PARVA: variants seen among roughly 807,000 people sequenced by gnomAD.
PARVA encodes alpha-parvin.
PARVA carries 25 observed loss-of-function variants against 52.6 expected under a neutral mutation model. The observed-to-expected ratio is 0.48, with a 90% CI of 0.35 to 0.66. The LOEUF (loss-of-function observed/expected upper bound fraction) is 0.66. PARVA is among the 30% of genes least tolerant of loss of function. The pLI is 0.01. For missense variants in PARVA, 373 were observed against 450.9 expected (o/e 0.83, Z 1.56); for synonymous variants, 185 against 179.1 (o/e 1.03, Z -0.26).
intron 1 of PARVA, among the ~76,000 whole-genome samples, chr11:12,422,975 C>T (rs1337756261): frequency 2.6e-5 from 4 of 152,156 alleles, no homozygotes; most frequent in Admixed American, 6.5e-5. Flanking sequence ...GCGCCTCAGC[C>T]TCTGAGTAGC....
At chr11:12,387,732 G>T (rs931708536) in intron 1 of PARVA, among the ~76,000 whole-genome samples, 1 of 150,794 alleles carries the variant, frequency 6.6e-6, no homozygotes, top group Non-Finnish European at 1.5e-5. Context: ...CAGTGAGCCC[G>T]GAGGAGGCCC....
chr11:12,390,064 T>G (rs1207635578), intron 1 of PARVA, among the ~76,000 whole-genome samples: 3 of 152,204 alleles, frequency 2.0e-5, no homozygotes, highest in Non-Finnish European at 2.9e-5. Context: ...TTGGGGATGA[T>G]GATGAACTAC....
chr11:12,473,653 C>A, intron 1 of PARVA, 92 bp from the exon 2 acceptor site: 1 of 943,400 alleles, frequency 1.1e-6, no homozygotes. Flanking sequence ...GGGTTTTTTT[C>A]TCAATGTCAA....
chr11:12,437,084 T>C (rs1940396685), intron 1 of PARVA, among the ~76,000 whole-genome samples: 1 of 152,234 alleles, frequency 6.6e-6, no homozygotes, highest in Non-Finnish European at 1.5e-5. Flanking sequence ...GGGATTGGCA[T>C]GCTAGTATTT....
intron 1 of PARVA, among the ~76,000 whole-genome samples, chr11:12,414,777 C>G (rs1206868828): frequency 6.6e-6 from 1 of 152,160 alleles, no homozygotes; most frequent in Non-Finnish European, 1.5e-5. Context: ...TAGATTCTTA[C>G]AGCGTTAGTT....
At chr11:12,522,044 T>A (rs1370703162) in intron 12 of PARVA, among the ~76,000 whole-genome samples, 1 of 152,226 alleles carries the variant, frequency 6.6e-6, no homozygotes, top group Non-Finnish European at 1.5e-5. Context: ...GGCCACCAAA[T>A]GTGTGCTAAT....
intron 1 of PARVA, among the ~76,000 whole-genome samples, chr11:12,435,784 G>A (rs1564846305): frequency 6.6e-6 from 1 of 151,930 alleles, no homozygotes; most frequent in Non-Finnish European, 1.5e-5. Context: ...CTATATCTCT[G>A]TTTTTTTGTT....
At chr11:12,476,897 A>G (rs953121009) in intron 3 of PARVA, among the ~76,000 whole-genome samples, 3 of 152,198 alleles carry the variant, frequency 2.0e-5, no homozygotes, top group African/African-American at 7.2e-5. Context: ...GACGTCCAAC[A>G]CAAAGGACGA....
At chr11:12,482,273 G>A (rs946074139) in intron 4 of PARVA, among the ~76,000 whole-genome samples, 2 of 152,052 alleles carry the variant, frequency 1.3e-5, no homozygotes, top group African/African-American at 4.8e-5. Context: ...AGAAGGTGTG[G>A]CAGTGTATTA....
chr11:12,489,079 C>T (rs1358569842), intron 4 of PARVA, among the ~76,000 whole-genome samples: 1 of 151,526 alleles, frequency 6.6e-6, no homozygotes, highest in African/African-American at 2.4e-5. Flanking sequence ...AGCCCCAGCA[C>T]TTTGGGAAGC....
intron 1 of PARVA, among the ~76,000 whole-genome samples, chr11:12,442,503 C>T (rs887350001): frequency 3.9e-5 from 6 of 152,106 alleles, no homozygotes; most frequent in African/African-American, 1.4e-4. Context: ...TTTTCAAGGT[C>T]AATAGCTGTG....
At chr11:12,376,661 T>G (rs1301241624), upstream of PARVA, 4 of 872,802 alleles carry the variant, frequency 4.6e-6, no homozygotes, top group Non-Finnish European at 5.5e-6. Context: ...GGAAACACAG[T>G]TGCCAAGGTG....
At chr11:12,508,486 AC>A in intron 6 of PARVA, 97 bp from the exon 7 acceptor site, 1 of 871,858 alleles carries the variant, frequency 1.1e-6, no homozygotes, top group Non-Finnish European at 1.9e-6. Flanking sequence ...AACACCAGTA[AC>A]TTTCTCATTA....
Position 12,518,510 on chromosome 11 carries a change from G to C in PARVA, c.1035G>C (p.Arg345=). Residue 345 remains arginine (R), a synonymous_variant, in exon 12 of 13, where the codon CGG becomes CGC. Coordinates refer to ENST00000334956, the MANE Select transcript of PARVA (RefSeq NM_018222.5). ...GAGGGTTGGAAAAGCCAAAACCGCG[G>C]CCAGAAGGTACTTTGCTCTTTCCTG... The part of the protein sequence containing the change: ...QDGGLEKPKP[R]PEDIVNCDLK... 2 of 1,612,446 alleles carry C rather than the reference G, an allele frequency of 1.2e-6. No individual in the cohort carries two copies. The highest frequency in any genetic ancestry group is 1.7e-6 in the Non-Finnish European group (2 of 1,178,952).
Position 12,533,724 on chromosome 11 carries a change from A to G in PARVA, c.*5799A>G, listed in dbSNP as rs200631190. 1.3e-5 allele frequency among the ~76,000 whole-genome samples: 2 copies of G among 152,228 alleles called. No homozygotes were observed. The highest frequency in any genetic ancestry group is 3.8e-4 in the East Asian group (2 of 5,200). ...GAGAAAAAATGTTACTAAGAAAAACATAAGCAAGAGAAAATATATTTACTA... is the reference window on the plus strand; with the variant it reads ...GAGAAAAAATGTTACTAAGAAAAACGTAAGCAAGAGAAAATATATTTACTA... On this transcript the variant is annotated 3_prime_UTR_variant, in exon 13 of 13. Transcript: ENST00000334956.
At chr11:12,423,511 T>C (rs1461314547) in intron 1 of PARVA, among the ~76,000 whole-genome samples, 1 of 152,182 alleles carries the variant, frequency 6.6e-6, no homozygotes, top group African/African-American at 2.4e-5. Flanking sequence ...CTCAGTCTTA[T>C]AATACTATTT....
At chr11:12,436,328 A>T (rs1347231714) in intron 1 of PARVA, among the ~76,000 whole-genome samples, 1 of 152,212 alleles carries the variant, frequency 6.6e-6, no homozygotes, top group Non-Finnish European at 1.5e-5. Flanking sequence ...TCAGAGTTGA[A>T]GGGAGAGAAT....
chr11:12,420,173 T>C (rs2134983438), intron 1 of PARVA, among the ~76,000 whole-genome samples: 1 of 152,306 alleles, frequency 6.6e-6, no homozygotes, highest in East Asian at 1.9e-4. Flanking sequence ...AAAGGGTTAG[T>C]TCTGGGAGAC....
chr11:12,492,320 C>T (rs574334026), intron 4 of PARVA, among the ~76,000 whole-genome samples: 5 of 152,198 alleles, frequency 3.3e-5, no homozygotes, highest in African/African-American at 1.2e-4. Flanking sequence ...TAAATCACAT[C>T]CTATCAATTT....
Sources: allele counts gnomAD v4.1 joint callset (sites outside exome capture counted in the v4.1 genomes callset), GRCh38; gene constraint gnomAD v4.1.1; transcripts MANE v1.5; gene names NCBI Gene and HGNC (gene_info 2026-07-23, HGNC 2026-07-21).